COQ8A: variants seen among roughly 807,000 people sequenced by gnomAD.
COQ8A encodes the protein coenzyme Q8A.
COQ8A carries 51 observed loss-of-function variants against 65.0 expected under a neutral mutation model. The ratio of observed to expected loss-of-function variants is 0.78; its 90% CI spans 0.63 to 0.99. The LOEUF is 0.99. Among genes scored for constraint, COQ8A ranks in the 50% least tolerant of loss-of-function variants. The pLI, the probability that COQ8A is intolerant of heterozygous loss-of-function variation, is 0.00. For missense variants in COQ8A, 940 were observed against 875.0 expected (o/e 1.07, Z -0.94); for synonymous variants, 371 against 353.2 (o/e 1.05, Z -0.57).
rs1660166801 is a variant in COQ8A, at chr1:226,987,124, T to TA, written c.*387_*388insA. On this transcript the variant is annotated 3_prime_UTR_variant, in exon 15 of 15. Transcript: ENST00000366777. Reference sequence around the variant, plus strand: ...ACATGAACAGATACGATTGTGGGATTTTATCATCTGTGTAGTAGGTGTGTG... The same window carrying TA: ...ACATGAACAGATACGATTGTGGGATTATTATCATCTGTGTAGTAGGTGTGTG... 1 of 302,898 alleles carries TA rather than the reference T, an allele frequency of 3.3e-6. No individual in the cohort carries two copies. The highest frequency in any genetic ancestry group is 6.4e-6 in the Non-Finnish European group (1 of 156,202). 18.8% of individuals were successfully genotyped at this position (302,898 alleles called of 1,614,324 possible). A position where few individuals can be genotyped will look rare whatever the true frequency, so the allele number is the denominator to read the frequency against.
At chr1:226,978,464 C>CAT (rs1359689885) in intron 5 of COQ8A, among the ~76,000 whole-genome samples, 2 of 149,122 alleles carry the variant, frequency 1.3e-5, no homozygotes. Context: ...ACACCCTCCA[C>CAT]ACCCACCAAA....
intron 1 of COQ8A, among the ~76,000 whole-genome samples, chr1:226,960,557 A>G (rs377536072): frequency 0.022 from 47 of 2,126 alleles, no homozygotes; most frequent in South Asian, 0.064. Context: ...GGTGGTGTCA[A>G]TGGTACTTGG....
intron 4 of COQ8A, among the ~76,000 whole-genome samples, chr1:226,977,071 T>A (rs1313890800): frequency 6.6e-6 from 1 of 152,168 alleles, no homozygotes; most frequent in African/African-American, 2.4e-5. Flanking sequence ...GTGCCCTGTG[T>A]GGTCGGGGTG....
rs974677376 is a variant in COQ8A, at chr1:226,984,656, G to A, written c.1506+1G>A. The A allele has an allele frequency of 1.7e-5, 28 of 1,613,754 alleles. No homozygotes were observed. The highest frequency in any genetic ancestry group is 2.3e-5 in the Non-Finnish European group (27 of 1,179,646). Reference sequence around the variant, plus strand: ...CTTCTATGACCCCCAGCAGCACAAGGTGAGCCCCAGGGTGGGGGCACCCGC... The same window carrying A: ...CTTCTATGACCCCCAGCAGCACAAGATGAGCCCCAGGGTGGGGGCACCCGC... On this transcript the variant is annotated splice_donor_variant, in intron 12 of 14. Coordinates refer to ENST00000366777, the MANE Select transcript of COQ8A (RefSeq NM_020247.5). LOFTEE classifies it high-confidence loss of function.
Position 226,965,346 on chromosome 1 carries a change from C to T in COQ8A, c.524C>T (p.Ala175Val). The change falls in exon 3 of 15, where the codon GCC becomes GTC. Residue 175 changes from alanine to valine, a missense_variant. Physicochemically the swap from Ala to Val is moderately conservative, Grantham distance 64 (BLOSUM62 0). Transcript: ENST00000366777. The stretch of plus-strand genomic sequence containing the variant: ...CAATCCCCTGTTGGGGGCCTCACAG[C>T]CGAGGACATTGAGAAGGCCCGGCAG... ...QDQSPVGGLT[A>V]EDIEKARQAK... is the part of the protein sequence containing the mutation. 1 of 1,613,290 alleles carries T rather than the reference C, an allele frequency of 6.2e-7. No homozygotes were observed. Among genetic ancestry groups the T allele is most frequent in the Non-Finnish European group, 8.5e-7 (1 of 1,179,896 alleles).
In COQ8A at chr1:226,984,449, G is replaced by A. The variant is rs1262846127; in HGVS notation, c.1399-99G>A. ...GGGAATCAAACAGTCCCTAGGGTAG[G>A]GTGGGTAAAACAGGAGGCAGGGGCT... is the stretch of plus-strand genomic sequence containing the variant. On this transcript the variant is annotated intron_variant, in intron 11 of 14. Coordinates refer to ENST00000366777, the MANE Select transcript of COQ8A (RefSeq NM_020247.5). The A allele has an allele frequency of 3.8e-6, 5 of 1,317,300 alleles. No individual in the cohort carries two copies. In the Admixed American group the frequency reaches 6.9e-5, roughly 18 times the overall value. The allele number at this position is 1,317,300 out of a possible 1,614,324, so 81.6% of individuals were successfully genotyped here.
intron 4 of COQ8A, among the ~76,000 whole-genome samples, chr1:226,970,113 C>T (rs920098518): frequency 6.6e-5 from 10 of 152,160 alleles, no homozygotes; most frequent in East Asian, 1.9e-4. Context: ...CTGCCATGCC[C>T]GGCTAATTTT....
Position 226,983,567 on chromosome 1 carries a change from C to T in COQ8A, c.1096C>T (p.Gln366Ter). ...ACCCCCACAGTACCCTGGCGTGGCC[C>T]AGAGCATCAACAGTGATGTCAACAA... is the stretch of plus-strand genomic sequence containing the variant. Reference protein sequence around the residue: ...AMKIQYPGVAQSINSDVNNLM... With the variant: ...AMKIQYPGVA The change falls in exon 9 of 15, where the codon CAG becomes TAG. Residue 366 changes from glutamine to a stop codon, truncating the protein, a stop_gained. Coordinates refer to ENST00000366777, the MANE Select transcript of COQ8A (RefSeq NM_020247.5). LOFTEE classifies it high-confidence loss of function. The T allele has an allele frequency of 6.2e-7, 1 of 1,613,920 alleles. No individual in the cohort carries two copies. Among genetic ancestry groups the T allele is most frequent in the Non-Finnish European group, 8.5e-7 (1 of 1,180,022 alleles).
intron 5 of COQ8A, among the ~76,000 whole-genome samples, 183 bp downstream of exon 5, chr1:226,977,706 AG>A (rs906321882): frequency 6.6e-6 from 1 of 152,044 alleles, no homozygotes; most frequent in African/African-American, 2.4e-5. Context: ...CCTGCTTTAG[AG>A]GGGGTGAGGC....
intron 7 of COQ8A, 24 bp from the exon 8 acceptor site, chr1:226,982,870 C>A (rs745539588): frequency 8.7e-6 from 14 of 1,612,578 alleles, no homozygotes; most frequent in Non-Finnish European, 1.0e-5. Context: ...ATGCTCAGAG[C>A]CCCTCCCTGG....
In COQ8A at chr1:226,987,312, C is replaced by T. The variant is rs576597206; in HGVS notation, c.*575C>T. 6.4e-6 allele frequency: 1 copy of T among 155,610 alleles called. No homozygotes were observed. The highest frequency in any genetic ancestry group is 2.4e-5 in the African/African-American group (1 of 41,590). 9.6% of individuals were successfully genotyped at this position (155,610 alleles called of 1,614,324 possible). Reference sequence around the variant, plus strand: ...TCTCACCTTTGACAGCTGAATGTTCCTAAAGAACTGCTGCCCCACAGTGAG... The same window carrying T: ...TCTCACCTTTGACAGCTGAATGTTCTTAAAGAACTGCTGCCCCACAGTGAG... On this transcript the variant is annotated 3_prime_UTR_variant, in exon 15 of 15. Coordinates refer to ENST00000366777, the MANE Select transcript of COQ8A (RefSeq NM_020247.5).
At chr1:226,956,857 G>A (rs1300733357) in intron 1 of COQ8A, among the ~76,000 whole-genome samples, 1 of 115,870 alleles carries the variant, frequency 8.6e-6, no homozygotes. Flanking sequence ...CACTCTCCCT[G>A]GTTCACACTC....
intron 1 of COQ8A, among the ~76,000 whole-genome samples, chr1:226,958,456 G>A (rs1246524386): frequency 6.6e-6 from 1 of 152,128 alleles, no homozygotes. Context: ...CTCCGATCCT[G>A]GCGTGTCAGC....
At position 226,972,188 on chromosome 1, in the gene COQ8A, T is replaced by C. The variant is rs1658947520; in HGVS notation, c.656-5261T>C. Among the ~76,000 whole-genome samples, 1 of 152,172 alleles carries C rather than the reference T, an allele frequency of 6.6e-6. No individual in the cohort carries two copies. The highest frequency in any genetic ancestry group is 2.1e-4 in the South Asian group (1 of 4,830). On this transcript the variant is annotated intron_variant, in intron 4 of 14. Transcript: ENST00000366777. This position sits in a 1 kb window ranked among gnomAD's most constrained non-coding sequence, Gnocchi z 4.3. ...TGCCAGAAGGAGTTGAGCACTGCTT[T>C]GTGCATAGCTCTGTGGTGGTTCCTG...
chr1:226,944,057 G>A (rs1217062561), intron 1 of COQ8A, among the ~76,000 whole-genome samples: 1 of 152,032 alleles, frequency 6.6e-6, no homozygotes, highest in Non-Finnish European at 1.5e-5. Flanking sequence ...GAACTCCCAG[G>A]CCTTGGAGTA....
In COQ8A at chr1:226,977,449, G is replaced by T; in HGVS notation, c.656G>T (p.Gly219Val). 1 of 1,561,048 alleles carries T rather than the reference G, an allele frequency of 6.4e-7. No individual in the cohort carries two copies. Among genetic ancestry groups the T allele is most frequent in the Non-Finnish European group, 8.7e-7 (1 of 1,152,728 alleles). Residue 219 changes from glycine to valine, a missense_variant and splice_region_variant, in exon 5 of 15, where the codon GGT (glycine) becomes GTT (valine). Coordinates refer to ENST00000366777, the MANE Select transcript of COQ8A (RefSeq NM_020247.5). ...AGTGCCCGCCCCCTCCTCCTTGCAG[G>T]TCTGGCCGTGGGCCTGGGCTTCGGG... is the stretch of plus-strand genomic sequence containing the variant. ...TRIGRLANFG[G>V]LAVGLGFGAL...
intron 12 of COQ8A, 49 bp downstream of exon 12, chr1:226,984,704 G>T (rs759101403): frequency 6.4e-7 from 1 of 1,569,094 alleles, no homozygotes; most frequent in East Asian, 2.2e-5. Flanking sequence ...GAGCTTCTCC[G>T]AATGGGGCAC....
intron 1 of COQ8A, among the ~76,000 whole-genome samples, chr1:226,957,155 C>G (rs1429109348): frequency 6.7e-6 from 1 of 148,308 alleles, no homozygotes; most frequent in Non-Finnish European, 1.5e-5. Flanking sequence ...CTCTCCCTGG[C>G]TTCCGCTCTC....
rs959545514 is a variant in COQ8A, at chr1:226,986,327, T to C, written c.1660-126T>C. The C allele has an allele frequency of 2.7e-6, 3 of 1,094,634 alleles. No homozygotes were observed. In the African/African-American group the frequency reaches 4.7e-5, roughly 17 times the overall value. The allele number at this position is 1,094,634 out of a possible 1,614,324, so 67.8% of individuals were successfully genotyped here. On this transcript the variant is annotated intron_variant, in intron 14 of 14. Coordinates refer to ENST00000366777, the MANE Select transcript of COQ8A (RefSeq NM_020247.5). ...GGGTTTGAGTTTATGCCCATTACCATGATGTAATCCAGTTTACAGCAGAGC... is the reference window on the plus strand; with the variant it reads ...GGGTTTGAGTTTATGCCCATTACCACGATGTAATCCAGTTTACAGCAGAGC...
Sources: allele counts gnomAD v4.1 joint callset (sites outside exome capture counted in the v4.1 genomes callset), GRCh38; gene constraint gnomAD v4.1.1; non-coding constraint Gnocchi (gnomAD v3.1); transcripts MANE v1.5; gene names NCBI Gene and HGNC (gene_info 2026-07-23, HGNC 2026-07-21).